The following NTM variants were observed in gnomAD, a reference collection of about 807,000 sequenced individuals.
NTM encodes IgLON family member 2.
NTM carries 13 observed loss-of-function variants against 42.1 expected under a neutral mutation model. The ratio of observed to expected loss-of-function variants is 0.31; its 90% CI spans 0.20 to 0.49. The LOEUF (loss-of-function observed/expected upper bound fraction) is 0.49, where lower values mean the gene tolerates loss of function less well. NTM is among the 20% of genes least tolerant of loss of function. NTM has a pLI of 0.99. For missense variants in NTM, 373 were observed against 452.8 expected (o/e 0.82, Z 1.60); for synonymous variants, 187 against 179.2 (o/e 1.04, Z -0.35).
chr11:132,333,444 G>A (rs574246060), intron 8 of NTM, among the ~76,000 whole-genome samples: 38 of 152,152 alleles, frequency 2.5e-4, no homozygotes, highest in Non-Finnish European at 4.1e-4. Flanking sequence ...AAGGGGGAAC[G>A]TCTGGTGATG....
chr11:131,513,359 T>G (rs528659452), intron 1 of NTM, among the ~76,000 whole-genome samples: 1 of 152,230 alleles, frequency 6.6e-6, no homozygotes, highest in South Asian at 2.1e-4. Flanking sequence ...CTCTGGGGTT[T>G]CCATAGGAGG....
chr11:132,246,018 G>A (rs931642043), intron 4 of NTM, among the ~76,000 whole-genome samples: 15 of 152,208 alleles, frequency 9.9e-5, no homozygotes, highest in Admixed American at 8.5e-4. Context: ...TGAGAGAGCT[G>A]CCCCGGGCTA....
intron 2 of NTM, among the ~76,000 whole-genome samples, chr11:132,133,754 T>A (rs1428377839): frequency 1.3e-5 from 2 of 152,220 alleles, no homozygotes; most frequent in Non-Finnish European, 2.9e-5. Context: ...CTTCTGTTTC[T>A]GGCAGTGATG....
chr11:132,302,077 G>A (rs564328302), intron 4 of NTM, among the ~76,000 whole-genome samples: 8 of 152,250 alleles, frequency 5.3e-5, no homozygotes, highest in East Asian at 3.9e-4. Flanking sequence ...TCTGTCATTC[G>A]ATTAGTTGTA....
Position 131,615,412 on chromosome 11 carries a change from C to T in NTM, c.82+244524C>T, listed in dbSNP as rs139652392. Among the ~76,000 whole-genome samples, 577 of 152,236 alleles carry T rather than the reference C, an allele frequency of 3.8e-3. 5 individuals carry two copies. Among genetic ancestry groups the T allele is most frequent in the African/African-American group, 0.013 (543 of 41,526 alleles). On this transcript the variant is annotated intron_variant, in intron 1 of 8. Coordinates refer to ENST00000683400, the MANE Select transcript of NTM (RefSeq NM_001352005.2). ...CGGAGTCTCTCTCTTGTCACCCAGGCTGGAGTGCAGTGGTGCAATCTCGGT... is the reference window on the plus strand; with the variant it reads ...CGGAGTCTCTCTCTTGTCACCCAGGTTGGAGTGCAGTGGTGCAATCTCGGT...
At chr11:131,946,759 T>C (rs2060390602) in intron 2 of NTM, among the ~76,000 whole-genome samples, 1 of 152,256 alleles carries the variant, frequency 6.6e-6, no homozygotes, top group Non-Finnish European at 1.5e-5. Context: ...TCTGTATGTA[T>C]AAATTAACCT....
At position 132,202,086 on chromosome 11, in the gene NTM, C is replaced by T. The variant is rs962055075; in HGVS notation, c.401-9936C>T. Among the ~76,000 whole-genome samples the T allele has an allele frequency of 5.3e-5, 8 of 152,110 alleles. 1 individual carries two copies. Among genetic ancestry groups the T allele is most frequent in the Non-Finnish European group, 7.4e-5 (5 of 68,020 alleles). ...TTAATTGATTCCTTTCTCATTGTGACGTTATTTCACGTTTTGAGGATCTTT... is the reference window on the plus strand; with the variant it reads ...TTAATTGATTCCTTTCTCATTGTGATGTTATTTCACGTTTTGAGGATCTTT... On this transcript the variant is annotated intron_variant, in intron 3 of 8. Transcript: ENST00000683400.
intron 2 of NTM, among the ~76,000 whole-genome samples, chr11:131,925,811 A>G (rs1260579787): frequency 6.6e-6 from 1 of 152,162 alleles, no homozygotes; most frequent in Non-Finnish European, 1.5e-5. Flanking sequence ...GGAGACGTAC[A>G]AGGAATGGAG....
At chr11:131,558,070 C>A (rs1183605132) in intron 1 of NTM, among the ~76,000 whole-genome samples, 1 of 152,200 alleles carries the variant, frequency 6.6e-6, no homozygotes, top group South Asian at 2.1e-4. Flanking sequence ...ACTTGCCGAG[C>A]CTTTTGTGCT....
chr11:132,243,218 A>G (rs1305695227), intron 4 of NTM, among the ~76,000 whole-genome samples: 2 of 152,194 alleles, frequency 1.3e-5, no homozygotes, highest in East Asian at 3.9e-4. Flanking sequence ...TTTGAAGCAA[A>G]GTCTGAGAGA....
chr11:131,544,439 C>T (rs2053659390), intron 1 of NTM, among the ~76,000 whole-genome samples: 1 of 152,132 alleles, frequency 6.6e-6, no homozygotes, highest in African/African-American at 2.4e-5. Flanking sequence ...GCTTCCCATT[C>T]TACTACCAAA....
At chr11:131,823,608 G>C (rs774650592) in intron 1 of NTM, among the ~76,000 whole-genome samples, 2 of 151,994 alleles carry the variant, frequency 1.3e-5, no homozygotes, top group Admixed American at 1.3e-4. Flanking sequence ...CTCTTTAAAA[G>C]TGTCTTGGGG....
chr11:131,422,337 C>T (rs1314947768), intron 1 of NTM, among the ~76,000 whole-genome samples: 1 of 152,200 alleles, frequency 6.6e-6, no homozygotes, highest in Non-Finnish European at 1.5e-5. Flanking sequence ...TGTGTATCTC[C>T]TCCCCACAAG....
Position 131,609,170 on chromosome 11 carries a change from T to C in NTM, c.82+238282T>C, listed in dbSNP as rs2061265061. Among the ~76,000 whole-genome samples, 3 of 152,258 alleles carry C rather than the reference T, an allele frequency of 2.0e-5. No homozygotes were observed. In the South Asian group the frequency reaches 6.2e-4, roughly 32 times the overall value. On this transcript the variant is annotated intron_variant, in intron 1 of 8. Coordinates refer to ENST00000683400, the MANE Select transcript of NTM (RefSeq NM_001352005.2). ...CGTGGGCCCTGCACGGCTCTCTGCT[T>C]CTGTGCTCTGGATGGGAGAGATCTG...
intron 1 of NTM, among the ~76,000 whole-genome samples, chr11:131,549,578 A>G (rs2054381096): frequency 6.6e-6 from 1 of 152,108 alleles, no homozygotes. Flanking sequence ...ATCAACAACA[A>G]AACAAAACGC....
At position 132,273,183 on chromosome 11, in the gene NTM, C is replaced by G. The variant is rs150069305; in HGVS notation, c.527-34506C>G. On this transcript the variant is annotated intron_variant, in intron 4 of 8. Coordinates refer to ENST00000683400, the MANE Select transcript of NTM (RefSeq NM_001352005.2). Reference sequence around the variant, plus strand: ...TTATTGTGTGGTTTTGTACCTTATTCTGTTGAAATGGTATATTATATTAAT... The same window carrying G: ...TTATTGTGTGGTTTTGTACCTTATTGTGTTGAAATGGTATATTATATTAAT... 7.8e-3 allele frequency among the ~76,000 whole-genome samples: 1,182 copies of G among 151,338 alleles called. 17 individuals carry two copies. Among genetic ancestry groups the G allele is most frequent in the African/African-American group, 0.026 (1,085 of 41,240 alleles).
At chr11:131,768,005 C>A (rs968574358) in intron 1 of NTM, among the ~76,000 whole-genome samples, 1 of 151,414 alleles carries the variant, frequency 6.6e-6, no homozygotes, top group African/African-American at 2.4e-5. Flanking sequence ...ATGGATCAGG[C>A]TATTTGAGGA....
chr11:131,795,608 T>C, intron 1 of NTM: 2 of 985,438 alleles, frequency 2.0e-6, no homozygotes, highest in Non-Finnish European at 2.4e-6. Flanking sequence ...CACAGAGTCA[T>C]GGGAGACCCT....
chr11:132,030,536 G>T (rs577983261), intron 2 of NTM, among the ~76,000 whole-genome samples: 7 of 152,254 alleles, frequency 4.6e-5, no homozygotes, highest in Admixed American at 1.3e-4. Flanking sequence ...CATGGCCAGG[G>T]GCTTAAATGG....
Sources: allele counts gnomAD v4.1 joint callset (sites outside exome capture counted in the v4.1 genomes callset), GRCh38; gene constraint gnomAD v4.1.1; transcripts MANE v1.5; gene names NCBI Gene and HGNC (gene_info 2026-07-23, HGNC 2026-07-21).